The following CTNND2 variants were observed in gnomAD, a reference collection of about 807,000 sequenced individuals.
The protein encoded by CTNND2 is catenin delta-2.
Under a neutral mutation model 144.4 loss-of-function variants are expected in CTNND2, and 22 were observed. The ratio of observed to expected loss-of-function variants is 0.15; its 90% CI spans 0.11 to 0.22. The LOEUF is 0.22. CTNND2 is among the 10% of genes least tolerant of loss of function. CTNND2 has a pLI of 1.00. For missense variants in CTNND2, 1,353 were observed against 1,618.8 expected (o/e 0.84, Z 2.82); for synonymous variants, 751 against 695.6 (o/e 1.08, Z -1.25).
chr5:11,535,938 TG>T (rs1346441349), intron 3 of CTNND2, among the ~76,000 whole-genome samples: 1 of 152,232 alleles, frequency 6.6e-6, no homozygotes, highest in Non-Finnish European at 1.5e-5. Context: ...CTGTAAAACA[TG>T]GCTAAAACCA....
chr5:11,555,515 G>T (rs923390046), intron 3 of CTNND2, among the ~76,000 whole-genome samples: 1 of 152,086 alleles, frequency 6.6e-6, no homozygotes, highest in Non-Finnish European at 1.5e-5. Flanking sequence ...CTGCTATTCG[G>T]GAGGAGAAAG....
At chr5:11,027,494 A>G (rs940498270) in intron 16 of CTNND2, among the ~76,000 whole-genome samples, 6 of 152,154 alleles carry the variant, frequency 3.9e-5, no homozygotes, top group East Asian at 1.9e-4. Context: ...GATTTTTGCA[A>G]TACTGGTAAG....
chr5:11,526,168 C>T lies in CTNND2; in HGVS notation c.287+38776G>A, dbSNP rs1359903287. Among the ~76,000 whole-genome samples the T allele has an allele frequency of 2.0e-5, 3 of 152,166 alleles. No homozygotes were observed. The East Asian group carries it at 5.8e-4, about 29-fold the overall frequency. ...CTACTCGCCTCAGCTTCCCAAAGTGCTGGGATTACAGACATGAGCCACCAT... is the reference window on the plus strand; with the variant it reads ...CTACTCGCCTCAGCTTCCCAAAGTGTTGGGATTACAGACATGAGCCACCAT... On this transcript the variant is annotated intron_variant, in intron 3 of 21. Transcript: ENST00000304623.
rs941459952 is a variant in CTNND2, at chr5:11,903,267, G to GA, written c.37+549dup. 1.0e-6 allele frequency: 1 copy of GA among 985,384 alleles called. No homozygotes were observed. Among genetic ancestry groups the GA allele is most frequent in the Non-Finnish European group, 1.2e-6 (1 of 829,994 alleles). The allele number at this position is 985,384 out of a possible 1,614,324, so 61.0% of individuals were successfully genotyped here. A position where few individuals can be genotyped will look rare whatever the true frequency, so the allele number is the denominator to read the frequency against. Reference sequence around the variant, plus strand: ...GAAGCCGGCTGCAAAGGCTTGCTGGGAAGCCGCTAAATATAGACCAAGGGG... The same window carrying GA: ...GAAGCCGGCTGCAAAGGCTTGCTGGGAAAGCCGCTAAATATAGACCAAGGGG... On this transcript the variant is annotated intron_variant, in intron 1 of 21. Coordinates refer to ENST00000304623, the MANE Select transcript of CTNND2 (RefSeq NM_001332.4). This position sits in a 1 kb window ranked among gnomAD's most constrained non-coding sequence, Gnocchi z 5.4.
At chr5:11,497,517 G>GA (rs1561477754) in intron 3 of CTNND2, among the ~76,000 whole-genome samples, 1 of 58,762 alleles carries the variant, frequency 1.7e-5, no homozygotes, top group African/African-American at 6.9e-5. Flanking sequence ...TGTGCGGGGG[G>GA]GTGGGGGGGG....
chr5:11,020,833 C>T lies in CTNND2; in HGVS notation c.2999+1936G>A, dbSNP rs576082227. Among the ~76,000 whole-genome samples the T allele has an allele frequency of 2.6e-5, 4 of 152,272 alleles. No individual in the cohort carries two copies. In the East Asian group the frequency reaches 7.7e-4, roughly 29 times the overall value. On this transcript the variant is annotated intron_variant, in intron 17 of 21. Transcript: ENST00000304623. The stretch of plus-strand genomic sequence containing the variant: ...ATGCTTGATTCAATCCAATTTAACA[C>T]TTCTTATTAAACTCGTAAATCCAGG...
chr5:11,813,125 C>T (rs1013795272), intron 1 of CTNND2, among the ~76,000 whole-genome samples: 3 of 152,100 alleles, frequency 2.0e-5, no homozygotes, highest in Admixed American at 6.5e-5. Flanking sequence ...TTTTACTGTA[C>T]CTTTGCTATG....
chr5:11,367,388 T>A (rs1757084237), intron 7 of CTNND2, among the ~76,000 whole-genome samples: 1 of 152,254 alleles, frequency 6.6e-6, no homozygotes, highest in African/African-American at 2.4e-5. Context: ...TAGATCCATA[T>A]GAACAAGGCC....
chr5:11,314,476 C>A (rs1751303854), intron 9 of CTNND2, among the ~76,000 whole-genome samples: 1 of 152,134 alleles, frequency 6.6e-6, no homozygotes, highest in Non-Finnish European at 1.5e-5. Flanking sequence ...CTGCCTCAGT[C>A]TCCTAAGTAG....
intron 2 of CTNND2, among the ~76,000 whole-genome samples, chr5:11,656,092 T>C (rs1240406601): frequency 2.6e-5 from 4 of 152,132 alleles, no homozygotes; most frequent in Non-Finnish European, 5.9e-5. Context: ...CAGACATGGT[T>C]ACATAAAAAG....
chr5:11,830,400 T>A (rs1347875231), intron 1 of CTNND2, among the ~76,000 whole-genome samples: 1 of 152,150 alleles, frequency 6.6e-6, no homozygotes, highest in Non-Finnish European at 1.5e-5. Flanking sequence ...AATTGAATCA[T>A]GGGGGCAAGT....
chr5:11,735,464 G>A (rs960646563), intron 1 of CTNND2, among the ~76,000 whole-genome samples: 4 of 152,082 alleles, frequency 2.6e-5, no homozygotes, highest in Admixed American at 6.6e-5. Context: ...TGAGAAAGCC[G>A]CCGTGACCTT....
intron 9 of CTNND2, among the ~76,000 whole-genome samples, chr5:11,306,162 G>T (rs1037164203): frequency 6.6e-6 from 1 of 152,184 alleles, no homozygotes; most frequent in African/African-American, 2.4e-5. Flanking sequence ...AAGAAAGCAA[G>T]ACTGAAAGTG....
At chr5:11,572,385 C>T (rs1259821328) in intron 2 of CTNND2, among the ~76,000 whole-genome samples, 1 of 152,110 alleles carries the variant, frequency 6.6e-6, no homozygotes, top group African/African-American at 2.4e-5. Flanking sequence ...GGGTTCATAC[C>T]TAGTTCTATT....
At chr5:11,239,177 T>C (rs2149901198) in intron 9 of CTNND2, among the ~76,000 whole-genome samples, 1 of 152,408 alleles carries the variant, frequency 6.6e-6, no homozygotes, top group Non-Finnish European at 1.5e-5. Context: ...GGAATTGCTC[T>C]ATTAGGTGAT....
chr5:11,530,732 C>T (rs1773678349), intron 3 of CTNND2, among the ~76,000 whole-genome samples: 2 of 152,166 alleles, frequency 1.3e-5, no homozygotes, highest in South Asian at 4.1e-4. Flanking sequence ...TATCTTAATG[C>T]CACTCATTTC....
intron 2 of CTNND2, among the ~76,000 whole-genome samples, chr5:11,716,448 G>T (rs1236297119): frequency 6.6e-6 from 1 of 152,100 alleles, no homozygotes; most frequent in Non-Finnish European, 1.5e-5. Flanking sequence ...ATTTACTTTG[G>T]TTAAACTCTT....
intron 9 of CTNND2, among the ~76,000 whole-genome samples, chr5:11,325,817 T>A (rs1205570987): frequency 1.3e-5 from 2 of 152,212 alleles, no homozygotes; most frequent in African/African-American, 4.8e-5. Context: ...CCTTCCCTTT[T>A]GTGCTTTTGA....
Position 11,296,882 on chromosome 5 carries a change from T to C in CTNND2, c.1628+49490A>G, listed in dbSNP as rs1175698496. ...TAGCATTAGGAGATATACCTAATGT[T>C]AAATGACGAGTTAATGGGCGCAGCA... On this transcript the variant is annotated intron_variant, in intron 9 of 21. Coordinates refer to ENST00000304623, the MANE Select transcript of CTNND2 (RefSeq NM_001332.4). 3.3e-5 allele frequency among the ~76,000 whole-genome samples: 5 copies of C among 152,114 alleles called. 1 individual carries two copies. Among genetic ancestry groups the C allele is most frequent in the Non-Finnish European group, 1.5e-5 (1 of 68,018 alleles).
Sources: allele counts gnomAD v4.1 joint callset (sites outside exome capture counted in the v4.1 genomes callset), GRCh38; gene constraint gnomAD v4.1.1; non-coding constraint Gnocchi (gnomAD v3.1); transcripts MANE v1.5; gene names NCBI Gene and HGNC (gene_info 2026-07-23, HGNC 2026-07-21).